SMIM10L2B: variants seen among roughly 807,000 people sequenced by gnomAD.
SMIM10L2B encodes small integral membrane protein 10 like 2B, also known as small integral membrane protein 10-like protein 2B.
For synonymous variants in SMIM10L2B, 28 were observed against 30.0 expected (o/e 0.93, Z 0.22); for missense variants, 40 against 58.7 (o/e 0.68, Z 1.04).
Position 135,098,574 on chromosome X carries a change from C to A in SMIM10L2B, c.60G>T (p.Ala20=). Residue 20 remains alanine (A), a synonymous_variant, in exon 1 of 2, where the codon GCG becomes GCT. Transcript: ENST00000433425. ...AAAAAALSGL[A]VRLSRSAAAR... ...CCGCCGCCGAGCGCGACAGCCGAAC[C>A]GCCAAGCCAGACAGGGCTGCCGCCG... 5.1e-6 allele frequency: 4 copies of A among 784,899 alleles called. No homozygotes were observed. The highest frequency in any genetic ancestry group is 6.9e-6 in the Non-Finnish European group (4 of 579,843). 64.7% of individuals were successfully genotyped at this position (784,899 alleles called of 1,213,427 possible). A position where few individuals can be genotyped will look rare whatever the true frequency, so the allele number is the denominator to read the frequency against.
Position 135,098,408 on chromosome X carries a change from G to A in SMIM10L2B, c.226C>T (p.Arg76Trp). ...GCCGCCGCCGGCGCTCACTCGATCCGCACTTGCAGGCGGACGTTGAGCATC... is the reference window on the plus strand; with the variant it reads ...GCCGCCGCCGGCGCTCACTCGATCCACACTTGCAGGCGGACGTTGAGCATC... Reference protein sequence around the residue: ...SVMLNVRLQVRIE With the variant: ...SVMLNVRLQVWIE Residue 76 changes from arginine to tryptophan, a missense_variant, in exon 1 of 2, where the codon CGG (arginine) becomes TGG (tryptophan). Arg to Trp is a moderately radical substitution (Grantham distance 101, BLOSUM62 -3). Coordinates refer to ENST00000433425, the MANE Select transcript of SMIM10L2B (RefSeq NM_001348255.2). The A allele has an allele frequency of 1.5e-6, 1 of 687,296 alleles. No homozygotes were observed. 56.6% of individuals were successfully genotyped at this position (687,296 alleles called of 1,213,427 possible).
At position 135,098,497 on chromosome X, in the gene SMIM10L2B, G is replaced by A. The variant is rs2083456434; in HGVS notation, c.137C>T (p.Thr46Ile). ...CAGCCGCCAGGCCAGGTCGAAGAAG[G>A]TGAGCAGCGTGCGCGTGAGCCCCTT... ...FCKGLTRTLL[T>I]FFDLAWRLRM... is the part of the protein sequence containing the mutation. The change falls in exon 1 of 2, where the codon ACC becomes ATC. Residue 46 changes from threonine (T) to isoleucine (I), a missense_variant. Coordinates refer to ENST00000433425, the MANE Select transcript of SMIM10L2B (RefSeq NM_001348255.2). The A allele has an allele frequency of 2.8e-6, 3 of 1,064,701 alleles. No individual in the cohort carries two copies. Among genetic ancestry groups the A allele is most frequent in the Non-Finnish European group, 3.7e-6 (3 of 810,550 alleles). The allele number at this position is 1,064,701 out of a possible 1,213,427, so 87.7% of individuals were successfully genotyped here.
In SMIM10L2B at chrX:135,096,634, G is replaced by T. The variant is rs1280235646; in HGVS notation, c.*852C>A. 1 of 110,978 alleles carries T rather than the reference G, an allele frequency of 9.0e-6. No homozygotes were observed. Among genetic ancestry groups the T allele is most frequent in the Non-Finnish European group, 1.9e-5 (1 of 52,853 alleles). 9.1% of individuals were successfully genotyped at this position (110,978 alleles called of 1,213,427 possible). ...CGAGATCCCCAGATTCCCTACCCTT[G>T]GGCCCCTCTCCCTTGGTGCCCTAGG... On this transcript the variant is annotated 3_prime_UTR_variant, in exon 2 of 2. Transcript: ENST00000433425.
In SMIM10L2B at chrX:135,098,568, C is replaced by T. The variant is rs2083456699; in HGVS notation, c.66G>A (p.Arg22=). The T allele has an allele frequency of 2.5e-6, 2 of 815,921 alleles. No individual in the cohort carries two copies. Among genetic ancestry groups the T allele is most frequent in the Non-Finnish European group, 1.7e-6 (1 of 605,826 alleles). The allele number at this position is 815,921 out of a possible 1,213,427, so 67.2% of individuals were successfully genotyped here. The change falls in exon 1 of 2, where the codon CGG becomes CGA. Residue 22 remains arginine (R), a synonymous_variant. Coordinates refer to ENST00000433425, the MANE Select transcript of SMIM10L2B (RefSeq NM_001348255.2). ...AAAALSGLAV[R]LSRSAAARGS... Reference sequence around the variant, plus strand: ...CTCGGGCCGCCGCCGAGCGCGACAGCCGAACCGCCAAGCCAGACAGGGCTG... The same window carrying T: ...CTCGGGCCGCCGCCGAGCGCGACAGTCGAACCGCCAAGCCAGACAGGGCTG...
rs1348004558 is a variant in SMIM10L2B, at chrX:135,096,869, T to G, written c.*617A>C. ...GGGAAATACACCTCTCTCACAGTGC[T>G]GCTAGCCGATTTCAGTTCCCAGGGA... On this transcript the variant is annotated 3_prime_UTR_variant, in exon 2 of 2. Coordinates refer to ENST00000433425, the MANE Select transcript of SMIM10L2B (RefSeq NM_001348255.2). The G allele has an allele frequency of 2.7e-5, 3 of 112,661 alleles. No homozygotes were observed. Among genetic ancestry groups the G allele is most frequent in the Non-Finnish European group, 5.6e-5 (3 of 53,202 alleles). 9.3% of individuals were successfully genotyped at this position (112,661 alleles called of 1,213,427 possible).
chrX:135,095,603 C>T lies in SMIM10L2B; in HGVS notation c.*1883G>A, dbSNP rs1556397814. 8.9e-6 allele frequency: 1 copy of T among 111,893 alleles called. No homozygotes were observed. The highest frequency in any genetic ancestry group is 3.7e-4 in the South Asian group (1 of 2,669). 9.2% of individuals were successfully genotyped at this position (111,893 alleles called of 1,213,427 possible). On this transcript the variant is annotated 3_prime_UTR_variant, in exon 2 of 2. Coordinates refer to ENST00000433425, the MANE Select transcript of SMIM10L2B (RefSeq NM_001348255.2). Reference sequence around the variant, plus strand: ...GCAATCAGCAAAGAACTTTCCTCCACCCTTCCTGGCTGGCCCAGGAAGAGG... The same window carrying T: ...GCAATCAGCAAAGAACTTTCCTCCATCCTTCCTGGCTGGCCCAGGAAGAGG...
Position 135,098,603 on chromosome X carries a change from CCGCCGCAGACAGAGCCGCCGA to C in SMIM10L2B, c.10_30del (p.Ser4_Ala10del), listed in dbSNP as rs2083456991. Reference sequence around the variant, plus strand: ...AAGCCAGACAGGGCTGCCGCCGCCGCCGCCGCAGACAGAGCCGCCGACGCCGCCATGGGCCCGGGCCCCGCG... The same window carrying C: ...AAGCCAGACAGGGCTGCCGCCGCCGCCGCCGCCATGGGCCCGGGCCCCGCG... On this transcript the variant is annotated inframe_deletion, in exon 1 of 2. Coordinates refer to ENST00000433425, the MANE Select transcript of SMIM10L2B (RefSeq NM_001348255.2). 1.9e-6 allele frequency: 1 copy of C among 534,801 alleles called. No homozygotes were observed. The highest frequency in any genetic ancestry group is 4.7e-5 in the East Asian group (1 of 21,483). The allele number at this position is 534,801 out of a possible 1,213,427, so 44.1% of individuals were successfully genotyped here.
In SMIM10L2B at chrX:135,097,060, T is replaced by A. The variant is rs2083449611; in HGVS notation, c.*426A>T. On this transcript the variant is annotated 3_prime_UTR_variant, in exon 2 of 2. Coordinates refer to ENST00000433425, the MANE Select transcript of SMIM10L2B (RefSeq NM_001348255.2). Reference sequence around the variant, plus strand: ...GTCCAGGGTCAGAGGTGCCCCAGGGTAGGGATGAGACTCTTGGCAAGGCCA... The same window carrying A: ...GTCCAGGGTCAGAGGTGCCCCAGGGAAGGGATGAGACTCTTGGCAAGGCCA... 1 of 113,036 alleles carries A rather than the reference T, an allele frequency of 8.8e-6. No individual in the cohort carries two copies. Among genetic ancestry groups the A allele is most frequent in the African/African-American group, 3.2e-5 (1 of 31,107 alleles). The allele number at this position is 113,036 out of a possible 1,213,427, so 9.3% of individuals were successfully genotyped here. A position where few individuals can be genotyped will look rare whatever the true frequency, so the allele number is the denominator to read the frequency against.
At position 135,098,592 on chromosome X, in the gene SMIM10L2B, T is replaced by TGCC. The variant is rs1474966068; in HGVS notation, c.39_41dup (p.Ala15dup). The TGCC allele has an allele frequency of 2.9e-5, 17 of 593,254 alleles. No homozygotes were observed. The highest frequency in any genetic ancestry group is 9.8e-5 in the Admixed American group (2 of 20,365). The allele number at this position is 593,254 out of a possible 1,213,427, so 48.9% of individuals were successfully genotyped here. A position where few individuals can be genotyped will look rare whatever the true frequency, so the allele number is the denominator to read the frequency against. ...GCCGAACCGCCAAGCCAGACAGGGC[T>TGCC]GCCGCCGCCGCCGCCGCAGACAGAG... On this transcript the variant is annotated inframe_insertion, in exon 1 of 2. Transcript: ENST00000433425.
In SMIM10L2B at chrX:135,098,643, C is replaced by T; in HGVS notation, c.-10G>A. The T allele has an allele frequency of 3.0e-6, 1 of 336,594 alleles. No individual in the cohort carries two copies. The highest frequency in any genetic ancestry group is 4.8e-6 in the Non-Finnish European group (1 of 209,185). 27.7% of individuals were successfully genotyped at this position (336,594 alleles called of 1,213,427 possible). On this transcript the variant is annotated 5_prime_UTR_variant, in exon 1 of 2. Transcript: ENST00000433425. Reference sequence around the variant, plus strand: ...CCGCCGACGCCGCCATGGGCCCGGGCCCCGCGCAGGCCCCGCCGACCGATC... The same window carrying T: ...CCGCCGACGCCGCCATGGGCCCGGGTCCCGCGCAGGCCCCGCCGACCGATC...
rs1484171023 is a variant in SMIM10L2B at position 135,098,542 on chromosome X, C to T, written c.92G>A (p.Gly31Asp). The change falls in exon 1 of 2, where the codon GGC becomes GAC. Residue 31 changes from glycine (G) to aspartate (D), a missense_variant. Physicochemically the swap from Gly to Asp is moderately conservative, Grantham distance 94 (BLOSUM62 -1). Transcript: ENST00000433425. The part of the protein sequence containing the change: ...VRLSRSAAAR[G>D]SYGAFCKGLT... ...CCCCTTGCAGAAGGCGCCGTATGAG[C>T]CTCGGGCCGCCGCCGAGCGCGACAG... 13 of 939,799 alleles carry T rather than the reference C, an allele frequency of 1.4e-5. No individual in the cohort carries two copies. Among genetic ancestry groups the T allele is most frequent in the African/African-American group, 2.0e-5 (1 of 49,224 alleles). 77.4% of individuals were successfully genotyped at this position (939,799 alleles called of 1,213,427 possible).
rs1473691491 is a variant in SMIM10L2B, at chrX:135,098,701, G to A, written c.-68C>T. On this transcript the variant is annotated 5_prime_UTR_variant, in exon 1 of 2. Coordinates refer to ENST00000433425, the MANE Select transcript of SMIM10L2B (RefSeq NM_001348255.2). ...AAGAGCTCGAGCCTCAGGACGGCGG[G>A]ACCCCAACACTAGCGCGCCCCGCCG... 3 of 270,071 alleles carry A rather than the reference G, an allele frequency of 1.1e-5. No homozygotes were observed. The highest frequency in any genetic ancestry group is 1.9e-5 in the Non-Finnish European group (3 of 154,377). 22.3% of individuals were successfully genotyped at this position (270,071 alleles called of 1,213,427 possible).
rs1242977306 is a variant in SMIM10L2B, at chrX:135,095,447, C to T, written c.*2039G>A. ...TCTTATGGGGTGGGTTCCCTGCAGT[C>T]GGGGGTCTCTGAGGGTAGGGACCCC... is the stretch of plus-strand genomic sequence containing the variant. On this transcript the variant is annotated 3_prime_UTR_variant, in exon 2 of 2. Coordinates refer to ENST00000433425, the MANE Select transcript of SMIM10L2B (RefSeq NM_001348255.2). 4 of 111,600 alleles carry T rather than the reference C, an allele frequency of 3.6e-5. No homozygotes were observed. The highest frequency in any genetic ancestry group is 7.5e-5 in the Non-Finnish European group (4 of 52,999). 9.2% of individuals were successfully genotyped at this position (111,600 alleles called of 1,213,427 possible).
In SMIM10L2B at chrX:135,095,723, C is replaced by T. The variant is rs1337526610; in HGVS notation, c.*1763G>A. The T allele has an allele frequency of 3.6e-5, 4 of 112,485 alleles. No homozygotes were observed. The allele number at this position is 112,485 out of a possible 1,213,427, so 9.3% of individuals were successfully genotyped here. A position where few individuals can be genotyped will look rare whatever the true frequency, so the allele number is the denominator to read the frequency against. On this transcript the variant is annotated 3_prime_UTR_variant, in exon 2 of 2. Coordinates refer to ENST00000433425, the MANE Select transcript of SMIM10L2B (RefSeq NM_001348255.2). ...CACAAGGAGGCCCCTCACTCCTCTT[C>T]TCCTCCAGCTCTGTATCACTCTTGT...
In SMIM10L2B at chrX:135,098,420, G is replaced by T; in HGVS notation, c.214C>A (p.Arg72Ser). Residue 72 changes from arginine to serine, a missense_variant, in exon 1 of 2, where the codon CGC becomes AGC. By Grantham distance (110) the Arg-to-Ser change is moderately radical. Coordinates refer to ENST00000433425, the MANE Select transcript of SMIM10L2B (RefSeq NM_001348255.2). Reference sequence around the variant, plus strand: ...GCTCACTCGATCCGCACTTGCAGGCGGACGTTGAGCATCACCGAGGCCACG... The same window carrying T: ...GCTCACTCGATCCGCACTTGCAGGCTGACGTTGAGCATCACCGAGGCCACG... ...YIVASVMLNVRLQVRIE is the reference protein window; with the variant it reads ...YIVASVMLNVSLQVRIE 1 of 763,032 alleles carries T rather than the reference G, an allele frequency of 1.3e-6. No individual in the cohort carries two copies. Among genetic ancestry groups the T allele is most frequent in the Non-Finnish European group, 1.8e-6 (1 of 556,395 alleles). The allele number at this position is 763,032 out of a possible 1,213,427, so 62.9% of individuals were successfully genotyped here.
At chrX:135,097,618 G>A (rs1327927746) in intron 1 of SMIM10L2B, among the ~76,000 whole-genome samples, 1 of 112,124 alleles carries the variant, frequency 8.9e-6, no homozygotes, top group Non-Finnish European at 1.9e-5. Flanking sequence ...TGAGGGCTGA[G>A]AAGAGAACAG....
At chrX:135,097,733 G>A (rs1335244527) in intron 1 of SMIM10L2B, among the ~76,000 whole-genome samples, 2 of 112,246 alleles carry the variant, frequency 1.8e-5, no homozygotes, top group Admixed American at 9.3e-5. Flanking sequence ...TCCCGGGGCC[G>A]CCCCCAGCCC....
Position 135,098,399 on chromosome X carries a change from A to T in SMIM10L2B, c.235T>A (p.Ter79ArgextTer28). ...GCGGCCGCCGCCGCCGCCGGCGCTC[A>T]CTCGATCCGCACTTGCAGGCGGACG... is the stretch of plus-strand genomic sequence containing the variant. The part of the protein sequence containing the change: ...LNVRLQVRIE[*>R] Residue 79 changes from the stop codon to arginine (R), a stop_lost, in exon 1 of 2, where the codon TGA (stop) becomes AGA (arginine). Transcript: ENST00000433425. The T allele has an allele frequency of 1.6e-6, 1 of 639,311 alleles. No individual in the cohort carries two copies. Among genetic ancestry groups the T allele is most frequent in the Non-Finnish European group, 2.2e-6 (1 of 453,056 alleles). 52.7% of individuals were successfully genotyped at this position (639,311 alleles called of 1,213,427 possible).
At chrX:135,097,668 C>G (rs1475659481) in intron 1 of SMIM10L2B, among the ~76,000 whole-genome samples, 6 of 112,053 alleles carry the variant, frequency 5.4e-5, no homozygotes, top group Non-Finnish European at 1.1e-4. Context: ...CCTCCCTATG[C>G]CCACCGACTG....
Sources: gnomAD v4.1 joint callset for allele counts (sites outside exome capture counted in the v4.1 genomes callset) on GRCh38, gnomAD v4.1.1 for gene constraint, MANE v1.5 for transcripts, NCBI Gene and HGNC (gene_info 2026-07-23, HGNC 2026-07-21) for gene names.